The following LIMK2 variants were observed in gnomAD, a reference collection of about 807,000 sequenced individuals.
LIMK2 encodes the protein LIM domain kinase 2.
Under a neutral mutation model 75.7 loss-of-function variants are expected in LIMK2, and 35 were observed. The ratio of observed to expected loss-of-function variants is 0.46; its 90% confidence interval spans 0.35 to 0.61. The LOEUF is 0.61. Ranked by LOEUF, LIMK2 falls within the 20% of genes least tolerant of loss-of-function variation. The probability of loss-of-function intolerance (pLI) is 0.00; values close to 1 mark genes in which losing one functional copy is unlikely to be tolerated. For synonymous variants in LIMK2, 301 were observed against 319.2 expected, an observed-to-expected ratio of 0.94 and a Z score of 0.61; for missense variants, 623 against 831.0, an observed-to-expected ratio of 0.75 and a Z score of 3.08.
At chr22:31,272,407 T>G (rs2034976096) in intron 12 of LIMK2, 123 bp from the exon 13 acceptor site, 2 of 908,606 alleles carry the variant, frequency 2.2e-6, no homozygotes, top group Non-Finnish European at 1.6e-6. Context: ...CTTTCTGCTC[T>G]GATTCTCCCT....
chr22:31,248,309 TC>T, intron 2 of LIMK2: 1 of 1,194,318 alleles, frequency 8.4e-7, no homozygotes. Flanking sequence ...GAGCCCCTCC[TC>T]TTCCTCCCTC....
Position 31,212,319 on chromosome 22 carries a change from C to A in LIMK2, c.-90C>A, listed in dbSNP as rs2048353336. 1.6e-6 allele frequency: 2 copies of A among 1,259,232 alleles called. No homozygotes were observed. The highest frequency in any genetic ancestry group is 3.4e-5 in the South Asian group (1 of 29,698). 78.0% of individuals were successfully genotyped at this position (1,259,232 alleles called of 1,614,324 possible). On this transcript the variant is annotated 5_prime_UTR_variant, in exon 1 of 16. Transcript: ENST00000331728. ...TGTGGTCTTCCCGCGCCTGAGGCGG[C>A]GGCGGCAGGAGCTGAGGGGAGTTGT... is the stretch of plus-strand genomic sequence containing the variant.
At chr22:31,217,291 G>A (rs1264829691) in intron 1 of LIMK2, among the ~76,000 whole-genome samples, 6 of 152,088 alleles carry the variant, frequency 3.9e-5, no homozygotes, top group Non-Finnish European at 7.4e-5. Flanking sequence ...CCAGCTACTC[G>A]GGAGGCTGAG....
intron 13 of LIMK2, 135 bp downstream of exon 13, chr22:31,272,839 T>C (rs2123863858): frequency 7.1e-7 from 1 of 1,414,500 alleles, no homozygotes; most frequent in African/African-American, 1.4e-5. Flanking sequence ...ATTTTTCCCT[T>C]GCCAGGTGGG....
chr22:31,263,212 AC>A (rs912469224), intron 7 of LIMK2, among the ~76,000 whole-genome samples: 13 of 152,120 alleles, frequency 8.5e-5, no homozygotes, highest in Non-Finnish European at 1.9e-4. Context: ...GGGACCAACA[AC>A]CCCCAAACCC....
chr22:31,216,892 A>G (rs1453387915), intron 1 of LIMK2, among the ~76,000 whole-genome samples: 1 of 152,184 alleles, frequency 6.6e-6, no homozygotes, highest in Non-Finnish European at 1.5e-5. Context: ...GTCTCTTACA[A>G]GTCTACCTTC....
At chr22:31,249,108 T>A (rs764971445) in intron 2 of LIMK2, among the ~76,000 whole-genome samples, 24 of 152,190 alleles carry the variant, frequency 1.6e-4, no homozygotes, top group Non-Finnish European at 2.5e-4. Context: ...GAGTGCTGTT[T>A]CCAGCTCTCA....
At position 31,258,367 on chromosome 22, in the gene LIMK2, T is replaced by C. The variant is rs1403039920; in HGVS notation, c.193T>C (p.Trp65Arg). 6.2e-7 allele frequency: 1 copy of C among 1,614,136 alleles called. No individual in the cohort carries two copies. Among genetic ancestry groups the C allele is most frequent in the Admixed American group, 1.7e-5 (1 of 60,018 alleles). Reference protein sequence around the residue: ...DGKLYCPKDYWGKFGEFCHGC... With the variant: ...DGKLYCPKDYRGKFGEFCHGC... ...GAAGCTCTACTGCCCCAAGGACTAC[T>C]GGGGGAAGTTTGGGGAGTTCTGTCA... Residue 65 changes from tryptophan (W) to arginine (R), a missense_variant, in exon 3 of 16, where the codon TGG becomes CGG. Transcript: ENST00000331728.
At chr22:31,269,286 CTTTTTTTTT>C (rs796361643) in intron 11 of LIMK2, among the ~76,000 whole-genome samples, 5 of 95,478 alleles carry the variant, frequency 5.2e-5, no homozygotes, top group East Asian at 3.2e-4. Flanking sequence ...ATTTTTTTTT[CTTTTTTTTT>C]TTTTTTTTTT....
chr22:31,213,236 G>T (rs2048362637), intron 1 of LIMK2, among the ~76,000 whole-genome samples: 1 of 152,138 alleles, frequency 6.6e-6, no homozygotes, highest in African/African-American at 2.4e-5. Context: ...AGTTGGGTTA[G>T]TTGCACCTGC....
chr22:31,266,774 T>C (rs1344444660), intron 8 of LIMK2, among the ~76,000 whole-genome samples: 1 of 152,260 alleles, frequency 6.6e-6, no homozygotes, highest in African/African-American at 2.4e-5. Context: ...GCCTGTCCTC[T>C]GTGCATGCCC....
At position 31,273,458 on chromosome 22, in the gene LIMK2, G is replaced by T; in HGVS notation, c.1565G>T (p.Ser522Ile). ...CTCTCCTGTGTTCCCCAAGGAAAGAGCTATGATGAGACGGTGGATATCTTC... is the reference window on the plus strand; with the variant it reads ...CTCTCCTGTGTTCCCCAAGGAAAGATCTATGATGAGACGGTGGATATCTTC... ...WMAPEMLNGK[S>I]YDETVDIFSF... Residue 522 changes from serine to isoleucine, a missense_variant, in exon 14 of 16, where the codon AGC becomes ATC. Ser to Ile is a moderately radical substitution (Grantham distance 142). Coordinates refer to ENST00000331728, the MANE Select transcript of LIMK2 (RefSeq NM_005569.4). 6.2e-7 allele frequency: 1 copy of T among 1,613,734 alleles called. No homozygotes were observed. Among genetic ancestry groups the T allele is most frequent in the Admixed American group, 1.7e-5 (1 of 60,018 alleles).
At position 31,272,644 on chromosome 22, in the gene LIMK2, C is replaced by T. The variant is rs756585652; in HGVS notation, c.1498C>T (p.Arg500Cys). Residue 500 changes from arginine (R) to cysteine (C), a missense_variant, in exon 13 of 16, where the codon CGC (arginine) becomes TGC (cysteine). Arg to Cys is a radical substitution (Grantham distance 180, BLOSUM62 -3). This residue lies in a region of LIMK2 where 514 missense variants were observed against 661.3 expected (regional missense o/e 0.78). Coordinates refer to ENST00000331728, the MANE Select transcript of LIMK2 (RefSeq NM_005569.4). ...GAAACGCACCTTGCGCAAGAACGAC[C>T]GCAAGAAGCGCTACACGGTGGTGGG... The part of the protein sequence containing the change: ...TKKRTLRKND[R>C]KKRYTVVGNP... 23 of 1,613,762 alleles carry T rather than the reference C, an allele frequency of 1.4e-5. No homozygotes were observed. The highest frequency in any genetic ancestry group is 7.7e-5 in the South Asian group (7 of 91,048).
chr22:31,276,795 C>G (rs780806196), intron 15 of LIMK2: 35 of 1,608,884 alleles, frequency 2.2e-5, no homozygotes, highest in South Asian at 4.4e-5. Flanking sequence ...TCAGAGCCCC[C>G]CCCGGGGCCG....
At chr22:31,272,810 G>A in intron 13 of LIMK2, 106 bp downstream of exon 13, 1 of 1,448,062 alleles carries the variant, frequency 6.9e-7, no homozygotes, top group Non-Finnish European at 9.1e-7. Flanking sequence ...CGTAGGACCG[G>A]ATACCCAGAG....
chr22:31,269,779 A>C (rs951312019), intron 11 of LIMK2, among the ~76,000 whole-genome samples: 36 of 152,110 alleles, frequency 2.4e-4, no homozygotes, highest in Non-Finnish European at 4.1e-4. Flanking sequence ...ATCTCAAAAA[A>C]AAAAAAAAAG....
chr22:31,276,966 C>G (rs780137760), intron 15 of LIMK2: 3 of 1,613,954 alleles, frequency 1.9e-6, no homozygotes, highest in Non-Finnish European at 2.5e-6. Context: ...AAGAGGAGAT[C>G]TCAGAACTAG....
At chr22:31,214,290 T>C (rs544996126) in intron 1 of LIMK2, among the ~76,000 whole-genome samples, 1 of 152,364 alleles carries the variant, frequency 6.6e-6, no homozygotes, top group South Asian at 2.1e-4. Context: ...TGGATTCTTC[T>C]GTGTCATATA....
chr22:31,239,375 C>G (rs2048605579), intron 2 of LIMK2, among the ~76,000 whole-genome samples: 1 of 152,244 alleles, frequency 6.6e-6, no homozygotes, highest in Non-Finnish European at 1.5e-5. Flanking sequence ...CCATTCTGGC[C>G]TCCTGTCTAA....
Sources: gnomAD v4.1 joint callset for allele counts (sites outside exome capture counted in the v4.1 genomes callset) on GRCh38, gnomAD v4.1.1 for gene constraint, gnomAD v4.1.1 regional missense constraint, MANE v1.5 for transcripts, NCBI Gene and HGNC (gene_info 2026-07-23, HGNC 2026-07-21) for gene names.